Variants in CCSER1 observed in about 807,000 individuals in gnomAD.
CCSER1 encodes coiled-coil serine rich protein 1, also known as serine-rich coiled-coil domain-containing protein 1.
CCSER1 carries 41 observed loss-of-function variants against 82.0 expected under a neutral mutation model. The ratio of observed to expected loss-of-function variants is 0.50; its 90% CI spans 0.39 to 0.65. The LOEUF (loss-of-function observed/expected upper bound fraction) is 0.65. Ranked by LOEUF, CCSER1 falls within the 30% of genes least tolerant of loss-of-function variation. The pLI, the probability that CCSER1 is intolerant of heterozygous loss-of-function variation, is 0.00. For missense variants in CCSER1, 1,119 were observed against 1,064.2 expected (o/e 1.05, Z -0.72); for synonymous variants, 414 against 383.9 (o/e 1.08, Z -0.92).
intron 5 of CCSER1, among the ~76,000 whole-genome samples, chr4:90,490,602 T>A (rs1377090115): frequency 6.6e-6 from 1 of 152,178 alleles, no homozygotes; most frequent in Non-Finnish European, 1.5e-5. Context: ...TGCCCATGCC[T>A]ATGTCCTGAA....
At chr4:90,398,995 T>A (rs1380223189) in intron 3 of CCSER1, among the ~76,000 whole-genome samples, 2 of 152,154 alleles carry the variant, frequency 1.3e-5, no homozygotes, top group Non-Finnish European at 1.5e-5. Flanking sequence ...AACTACAAAT[T>A]ATGCTAACAT....
intron 6 of CCSER1, among the ~76,000 whole-genome samples, chr4:90,632,540 A>T (rs998456728): frequency 6.6e-6 from 1 of 152,114 alleles, no homozygotes; most frequent in African/African-American, 2.4e-5. Context: ...TGAATCTAAC[A>T]TTGTGTTTGT....
intron 7 of CCSER1, among the ~76,000 whole-genome samples, chr4:90,787,006 A>C (rs943321374): frequency 1.3e-5 from 2 of 152,200 alleles, no homozygotes; most frequent in Non-Finnish European, 2.9e-5. Context: ...GTTTATTATA[A>C]AGAATATTCC....
At chr4:90,821,318 G>T (rs886988508) in intron 8 of CCSER1, among the ~76,000 whole-genome samples, 1 of 152,246 alleles carries the variant, frequency 6.6e-6, no homozygotes, top group South Asian at 2.1e-4. Context: ...TGGGAAATGA[G>T]AACAAAAGCT....
At chr4:90,648,720 T>C (rs1579704048) in intron 6 of CCSER1, among the ~76,000 whole-genome samples, 1 of 152,226 alleles carries the variant, frequency 6.6e-6, no homozygotes, top group African/African-American at 2.4e-5. Flanking sequence ...CATCTTGATC[T>C]TGGACTTCTA....
At chr4:91,391,725 T>C (rs1452464606) in intron 10 of CCSER1, among the ~76,000 whole-genome samples, 1 of 152,172 alleles carries the variant, frequency 6.6e-6, no homozygotes, top group Non-Finnish European at 1.5e-5. Context: ...TAATATATAT[T>C]CTTTTAAATT....
intron 9 of CCSER1, among the ~76,000 whole-genome samples, chr4:91,029,546 G>A (rs903969095): frequency 6.6e-5 from 10 of 151,840 alleles, no homozygotes; most frequent in African/African-American, 2.4e-4. Context: ...TTTTAAAAAC[G>A]GGTGTGTCCA....
intron 10 of CCSER1, among the ~76,000 whole-genome samples, chr4:91,509,547 TA>T (rs1759711284): frequency 6.6e-6 from 1 of 152,230 alleles, no homozygotes; most frequent in Non-Finnish European, 1.5e-5. Flanking sequence ...ATATATCTAC[TA>T]TTGCTGAGTG....
chr4:91,170,555 A>G (rs1450809917), intron 10 of CCSER1, among the ~76,000 whole-genome samples: 3 of 152,204 alleles, frequency 2.0e-5, no homozygotes, highest in Non-Finnish European at 4.4e-5. Flanking sequence ...AACCCGATTC[A>G]AGGCAGCTCT....
chr4:90,781,807 G>T (rs943468894), intron 7 of CCSER1: 3 of 957,464 alleles, frequency 3.1e-6, no homozygotes, highest in Middle Eastern at 5.3e-4. Context: ...TAACTTTTAT[G>T]TTTGCCTTGA....
chr4:91,041,392 T>A (rs1741943355), intron 9 of CCSER1, among the ~76,000 whole-genome samples: 1 of 152,210 alleles, frequency 6.6e-6, no homozygotes, highest in South Asian at 2.1e-4. Flanking sequence ...GTGTTCTAGA[T>A]TACTTTTTGT....
intron 9 of CCSER1, among the ~76,000 whole-genome samples, chr4:90,955,805 C>T (rs998978211): frequency 2.0e-5 from 3 of 152,130 alleles, no homozygotes; most frequent in East Asian, 3.9e-4. Flanking sequence ...AAGGCTTCTC[C>T]GTCTTACCAC....
chr4:91,090,988 CT>C (rs1723886252), intron 10 of CCSER1, among the ~76,000 whole-genome samples: 1 of 152,096 alleles, frequency 6.6e-6, no homozygotes, highest in African/African-American at 2.4e-5. Flanking sequence ...CTTCCTTTCC[CT>C]TTTTGGAGCC....
intron 10 of CCSER1, among the ~76,000 whole-genome samples, chr4:91,209,435 T>G (rs577552248): frequency 6.6e-6 from 1 of 152,132 alleles, no homozygotes; most frequent in African/African-American, 2.4e-5. Flanking sequence ...ATGTTGAATT[T>G]TATTGAAAGC....
intron 10 of CCSER1, among the ~76,000 whole-genome samples, chr4:91,332,479 T>C (rs1283662397): frequency 6.6e-6 from 1 of 151,840 alleles, no homozygotes; most frequent in East Asian, 1.9e-4. Flanking sequence ...CATTACCATC[T>C]AACAATGCTA....
chr4:90,243,577 G>C (rs893926505), intron 1 of CCSER1, among the ~76,000 whole-genome samples: 3 of 151,394 alleles, frequency 2.0e-5, no homozygotes, highest in African/African-American at 7.3e-5. Flanking sequence ...GGGGAGGTGG[G>C]GGGTCTTGCT....
chr4:90,580,912 T>C lies in CCSER1; in HGVS notation c.1725-47113T>C, dbSNP rs115415438. The stretch of plus-strand genomic sequence containing the variant: ...AGGATACTTTGCTTAACAGAATCCA[T>C]GGGGAAATTGAGTTTTGATTAATTG... On this transcript the variant is annotated intron_variant, in intron 5 of 10. Coordinates refer to ENST00000509176, the MANE Select transcript of CCSER1 (RefSeq NM_001145065.2). Among the ~76,000 whole-genome samples, 1,095 of 152,282 alleles carry C rather than the reference T, an allele frequency of 7.2e-3. 15 individuals carry two copies. The highest frequency in any genetic ancestry group is 0.025 in the African/African-American group (1,039 of 41,538).
chr4:91,460,095 G>C (rs1756420859), intron 10 of CCSER1, among the ~76,000 whole-genome samples: 1 of 152,178 alleles, frequency 6.6e-6, no homozygotes, highest in Non-Finnish European at 1.5e-5. Context: ...AGGAGCATTT[G>C]ACTGAGTGGT....
intron 6 of CCSER1, among the ~76,000 whole-genome samples, chr4:90,706,375 G>A (rs1739351564): frequency 6.6e-6 from 1 of 152,172 alleles, no homozygotes; most frequent in Non-Finnish European, 1.5e-5. Context: ...AAGCCCCAAA[G>A]TTGAAGTCTG....
Sources: gnomAD v4.1 joint callset for allele counts (sites outside exome capture counted in the v4.1 genomes callset) on GRCh38, gnomAD v4.1.1 for gene constraint, MANE v1.5 for transcripts, NCBI Gene and HGNC (gene_info 2026-07-23, HGNC 2026-07-21) for gene names.